The following RP1 variants were observed in gnomAD, a reference collection of about 807,000 sequenced individuals.
The protein encoded by RP1 is oxygen-regulated protein 1.
A neutral mutation model predicts 14.8 loss-of-function variants in RP1; 16 were observed. That is an observed-to-expected ratio of 1.08 (90% CI 0.73 to 1.65). The LOEUF (loss-of-function observed/expected upper bound fraction) is 1.65. RP1 is among the 40% of genes most tolerant of loss of function. RP1 has a pLI of 0.00. For missense variants in RP1, 2,631 were observed against 2,535.0 expected (o/e 1.04, Z -0.81); for synonymous variants, 876 against 883.6 (o/e 0.99, Z 0.15).
chr8:54,806,928 G>A (rs1003247880), intron 24 of RP1, among the ~76,000 whole-genome samples: 3 of 152,122 alleles, frequency 2.0e-5, no homozygotes, highest in Admixed American at 6.5e-5. Flanking sequence ...TTTAAGTCAC[G>A]TTTCTCTTTA....
intron 19 of RP1, among the ~76,000 whole-genome samples, chr8:54,740,861 A>G (rs1353115505): frequency 6.6e-6 from 1 of 151,980 alleles, no homozygotes; most frequent in Non-Finnish European, 1.5e-5. Context: ...CCTGGCTAAC[A>G]TGGTGAAACC....
chr8:54,611,134 G>A (rs896275189), upstream of RP1, among the ~76,000 whole-genome samples: 1 of 152,148 alleles, frequency 6.6e-6, no homozygotes, highest in Non-Finnish European at 1.5e-5. Context: ...TGTATCTGAT[G>A]AATTGCTTCC....
chr8:54,621,363 A>G lies in RP1; in HGVS notation c.397A>G (p.Ile133Val). 4 of 1,612,150 alleles carry G rather than the reference A, an allele frequency of 2.5e-6. No individual in the cohort carries two copies. Among genetic ancestry groups the G allele is most frequent in the Non-Finnish European group, 3.4e-6 (4 of 1,179,334 alleles). ...GCGGCCCTGGCTCAGCAGCCGGGCC[A>G]TTAGCGCGCACTCACCGCCCCACCC... ...RPRPWLSSRA[I>V]SAHSPPHPVA... The change falls in exon 2 of 4, where the codon ATT (isoleucine) becomes GTT (valine). Residue 133 changes from isoleucine to valine, a missense_variant. Coordinates refer to ENST00000220676, the MANE Select transcript of RP1 (RefSeq NM_006269.2).
chr8:54,635,663 C>T (rs577158379), downstream of RP1, among the ~76,000 whole-genome samples: 1 of 152,222 alleles, frequency 6.6e-6, no homozygotes, highest in East Asian at 1.9e-4. Flanking sequence ...TAGTTAAAAG[C>T]TTACTTTCCC....
At chr8:54,842,900 C>T (rs1244821556) in intron 25 of RP1, among the ~76,000 whole-genome samples, 1 of 152,184 alleles carries the variant, frequency 6.6e-6, no homozygotes, top group Non-Finnish European at 1.5e-5. Flanking sequence ...AGGCCTTGCC[C>T]AGGCCTCTGC....
At chr8:54,715,646 A>G (rs75284540) in intron 15 of RP1, among the ~76,000 whole-genome samples, 3,423 of 152,286 alleles carry the variant, frequency 0.022, 134 homozygotes, top group African/African-American at 0.077. Context: ...GTGGGTGAGT[A>G]GAAGTTTCCT....
chr8:54,607,541 T>C (rs1002407929), intron 1 of RP1, among the ~76,000 whole-genome samples: 1 of 152,170 alleles, frequency 6.6e-6, no homozygotes, highest in African/African-American at 2.4e-5. Flanking sequence ...TCCAGTTGCA[T>C]GCTGGGAGAA....
chr8:54,809,453 C>T (rs1182013641), intron 24 of RP1, among the ~76,000 whole-genome samples: 1 of 152,156 alleles, frequency 6.6e-6, no homozygotes, highest in Non-Finnish European at 1.5e-5. Context: ...CGACTGCTGG[C>T]ATCTGAATTA....
At chr8:54,813,894 A>G (rs1467573005) in intron 24 of RP1, among the ~76,000 whole-genome samples, 3 of 152,254 alleles carry the variant, frequency 2.0e-5, no homozygotes, top group Admixed American at 1.3e-4. Context: ...AGGACAGGCA[A>G]TATGAAATCT....
chr8:54,680,018 G>C, intron 12 of RP1: 1 of 1,444,254 alleles, frequency 6.9e-7, no homozygotes, highest in Non-Finnish European at 9.1e-7. Context: ...TTAATTTATA[G>C]TTTTGTTCTT....
intron 1 of RP1, among the ~76,000 whole-genome samples, chr8:54,588,914 G>A (rs1804988489): frequency 6.6e-6 from 1 of 152,108 alleles, no homozygotes; most frequent in Admixed American, 6.5e-5. Context: ...CAGGAGAGTG[G>A]GTTATTGTTA....
intron 24 of RP1, among the ~76,000 whole-genome samples, chr8:54,830,054 G>T (rs1286672744): frequency 6.6e-6 from 1 of 152,108 alleles, no homozygotes; most frequent in Non-Finnish European, 1.5e-5. Flanking sequence ...GGGCAAGTTG[G>T]TTGATAGTAT....
intron 1 of RP1, among the ~76,000 whole-genome samples, chr8:54,619,508 A>G (rs531793859): frequency 1.3e-5 from 2 of 152,368 alleles, no homozygotes; most frequent in African/African-American, 2.4e-5. Flanking sequence ...ACAGCCACAA[A>G]TGAAAACAAG....
chr8:54,854,725 C>A (rs1316117401), intron 26 of RP1, among the ~76,000 whole-genome samples: 1 of 151,956 alleles, frequency 6.6e-6, no homozygotes, highest in Non-Finnish European at 1.5e-5. Context: ...ATTAGCCGGG[C>A]GTGGCGGCAG....
At chr8:54,689,762 C>T (rs1393684639) in intron 12 of RP1, among the ~76,000 whole-genome samples, 1 of 152,026 alleles carries the variant, frequency 6.6e-6, no homozygotes, top group African/African-American at 2.4e-5. Flanking sequence ...GGGCTGTACA[C>T]TCTACCCACT....
At chr8:54,591,983 C>T (rs1312765201) in intron 1 of RP1, among the ~76,000 whole-genome samples, 3 of 152,124 alleles carry the variant, frequency 2.0e-5, no homozygotes, top group East Asian at 1.9e-4. Context: ...GTCAAAGCAG[C>T]CCAAACACTA....
chr8:54,663,645 T>C, intron 6 of RP1: 1 of 1,389,884 alleles, frequency 7.2e-7, no homozygotes, highest in South Asian at 1.7e-5. Context: ...GTATGTAATT[T>C]TCTGTTATAT....
At chr8:54,786,463 T>C (rs534681327) in intron 24 of RP1, among the ~76,000 whole-genome samples, 3 of 151,446 alleles carry the variant, frequency 2.0e-5, no homozygotes, top group African/African-American at 7.3e-5. Flanking sequence ...TTACTGTTGG[T>C]TTTAATAGTT....
chr8:54,725,787 AT>A lies in RP1; in HGVS notation c.2390-557del, dbSNP rs768003963. Among the ~76,000 whole-genome samples, 4 of 152,326 alleles carry A rather than the reference AT, an allele frequency of 2.6e-5. No homozygotes were observed. The East Asian group carries it at 7.7e-4, about 29-fold the overall frequency. On this transcript the variant is annotated intron_variant, in intron 16 of 22. Coordinates refer to the RP1 transcript ENST00000636932. ...CTTGAATTTGAAATCCTAAATATAAATAACACTTAGGAGCATATACTATAAA... is the reference window on the plus strand; with the variant it reads ...CTTGAATTTGAAATCCTAAATATAAAAACACTTAGGAGCATATACTATAAA...
Sources: gnomAD v4.1 joint callset for allele counts (sites outside exome capture counted in the v4.1 genomes callset) on GRCh38, gnomAD v4.1.1 for gene constraint, MANE v1.5 for transcripts, NCBI Gene and HGNC (gene_info 2026-07-23, HGNC 2026-07-21) for gene names.